Variants in SLC26A4 observed in about 807,000 individuals in gnomAD.
SLC26A4 encodes the protein solute carrier family 26 member 4, also known as pendrin.
SLC26A4 carries 93 observed loss-of-function variants against 90.4 expected under a neutral mutation model. That is an observed-to-expected ratio of 1.03 (90% confidence interval 0.87 to 1.22). The LOEUF is 1.22. Among genes scored for constraint, SLC26A4 ranks in the 50% most tolerant of loss-of-function variants. The pLI is 0.00. For missense variants in SLC26A4, 1,127 were observed against 946.2 expected, an observed-to-expected ratio of 1.19 and a Z score of -2.51; for synonymous variants, 393 against 354.6, an observed-to-expected ratio of 1.11 and a Z score of -1.22.
chr7:107,675,574 CTTTT>C (rs563755979), intron 6 of SLC26A4, among the ~76,000 whole-genome samples: 121 of 131,008 alleles, frequency 9.2e-4, no homozygotes, highest in African/African-American at 3.2e-3. Context: ...TTCTTTCTTT[CTTTT>C]TTTTTTTTTT....
intron 9 of SLC26A4, among the ~76,000 whole-genome samples, chr7:107,689,412 C>T (rs1302310024): frequency 1.3e-5 from 2 of 152,150 alleles, no homozygotes; most frequent in Non-Finnish European, 2.9e-5. Context: ...GTTGAAATAA[C>T]ACTAATTTTA....
intron 3 of SLC26A4, among the ~76,000 whole-genome samples, chr7:107,667,910 G>A (rs371971961): frequency 2.0e-5 from 3 of 152,078 alleles, no homozygotes; most frequent in Admixed American, 2.0e-4. Context: ...CTGTGTTTTC[G>A]ATTAAATGCA....
At chr7:107,664,982 T>A (rs1165876654) in intron 3 of SLC26A4, among the ~76,000 whole-genome samples, 1 of 152,186 alleles carries the variant, frequency 6.6e-6, no homozygotes, top group African/African-American at 2.4e-5. Flanking sequence ...GAACTCATAG[T>A]CCAATGGAGA....
chr7:107,675,285 T>TAAAAAAAAAAAAAAA (rs60022317), intron 6 of SLC26A4, among the ~76,000 whole-genome samples, 176 bp downstream of exon 6: 1 of 96,790 alleles, frequency 1.0e-5, no homozygotes, highest in Non-Finnish European at 2.0e-5. Flanking sequence ...CCTCATCTCT[T>TAAAAAAAAAAAAAAA]AAAAAAAAAA....
At chr7:107,680,359 AATCTT>A (rs1184879621) in intron 6 of SLC26A4, among the ~76,000 whole-genome samples, 4 of 141,214 alleles carry the variant, frequency 2.8e-5, no homozygotes, top group South Asian at 4.3e-4. Flanking sequence ...ATTATTATAT[AATCTT>A]ATCTTATTAT....
At chr7:107,683,608 C>G in intron 8 of SLC26A4, 71 bp downstream of exon 8, 5 of 1,196,454 alleles carry the variant, frequency 4.2e-6, no homozygotes, top group Non-Finnish European at 6.1e-6. Context: ...TAAATAAAAC[C>G]TTTTATTACA....
Position 107,694,673 on chromosome 7 carries a change from T to C in SLC26A4, c.1394T>C (p.Leu465Pro), listed in dbSNP as rs1447306591. The C allele has an allele frequency of 2.5e-6, 4 of 1,613,516 alleles. No individual in the cohort carries two copies. The African/African-American group carries it at 5.3e-5, about 22-fold the overall frequency. Residue 465 changes from leucine (L) to proline (P), a missense_variant, in exon 12 of 21, where the codon CTG becomes CCG. Leu to Pro is a moderately conservative substitution (Grantham distance 98). Coordinates refer to ENST00000644269, the MANE Select transcript of SLC26A4 (RefSeq NM_000441.2). ...IANLKGMFMQ[L>P]CDIPRLWRQN... ...AACCTGAAAGGGATGTTTATGCAGC[T>C]GTGTGACATTCCTCGTCTGTGGAGA...
At position 107,715,606 on chromosome 7, in the gene SLC26A4, C is replaced by T. The variant is rs930181843; in HGVS notation, c.*160C>T. On this transcript the variant is annotated 3_prime_UTR_variant, in exon 21 of 21. Transcript: ENST00000644269. ...CTAGGCTTTATTTATAAAATAAACACCTTATCCCTAACATGGGCAAAATGG... is the reference window on the plus strand; with the variant it reads ...CTAGGCTTTATTTATAAAATAAACATCTTATCCCTAACATGGGCAAAATGG... 6 of 696,028 alleles carry T rather than the reference C, an allele frequency of 8.6e-6. No homozygotes were observed. In the African/African-American group the frequency reaches 8.9e-5, roughly 10 times the overall value. 43.1% of individuals were successfully genotyped at this position (696,028 alleles called of 1,614,324 possible). A position where few individuals can be genotyped will look rare whatever the true frequency, so the allele number is the denominator to read the frequency against.
intron 10 of SLC26A4, 80 bp downstream of exon 10, chr7:107,690,317 A>C: frequency 2.3e-6 from 2 of 886,000 alleles, no homozygotes; most frequent in Non-Finnish European, 3.8e-6. Context: ...CACCGAGCTT[A>C]GCAGGACAAT....
chr7:107,686,267 T>TTCCCTCCCTTCCCTC (rs1562830825), intron 8 of SLC26A4, among the ~76,000 whole-genome samples: 21 of 142,018 alleles, frequency 1.5e-4, no homozygotes, highest in African/African-American at 5.6e-4. Context: ...TTTCTTCCCT[T>TTCCCTCCCTTCCCTC]CCTTCCCTCC....
At chr7:107,671,133 T>C (rs1370771792) in intron 3 of SLC26A4, among the ~76,000 whole-genome samples, 2 of 152,170 alleles carry the variant, frequency 1.3e-5, no homozygotes. Flanking sequence ...GCAAAACTGG[T>C]CTGAGCCTTT....
In SLC26A4 at chr7:107,661,322, CGGGCCA is replaced by C. The variant is rs1221385580; in HGVS notation, c.-3-316_-3-311del. 8.3e-5 allele frequency: 37 copies of C among 446,604 alleles called. No individual in the cohort carries two copies. Among genetic ancestry groups the C allele is most frequent in the African/African-American group, 5.5e-4 (27 of 48,678 alleles). 27.7% of individuals were successfully genotyped at this position (446,604 alleles called of 1,614,324 possible). On this transcript the variant is annotated intron_variant, in intron 1 of 20. Transcript: ENST00000644269. This position sits in a 1 kb window ranked among gnomAD's most constrained non-coding sequence, Gnocchi z 5.1. ...CAGAACGCGGACAGCGCCCTGGCTG[CGGGCCA>C]TAGGGGACTGGGTGGAACTCGGGAA... is the stretch of plus-strand genomic sequence containing the variant.
chr7:107,706,363 G>T (rs1371084527), intron 18 of SLC26A4, among the ~76,000 whole-genome samples: 9 of 152,182 alleles, frequency 5.9e-5, no homozygotes, highest in African/African-American at 1.9e-4. Context: ...TGAGAGGATT[G>T]CTTGAGCCCA....
intron 3 of SLC26A4, among the ~76,000 whole-genome samples, chr7:107,664,602 G>C (rs964807791): frequency 6.6e-6 from 1 of 152,172 alleles, no homozygotes; most frequent in Admixed American, 6.5e-5. Flanking sequence ...TCCTAGCCTG[G>C]ACTCCACATG....
rs1378841567 is a variant in SLC26A4 at position 107,694,588 on chromosome 7, G to A, written c.1342-33G>A. 4.4e-6 allele frequency: 7 copies of A among 1,573,522 alleles called. No homozygotes were observed. The South Asian group carries it at 7.7e-5, about 17-fold the overall frequency. On this transcript the variant is annotated intron_variant, in intron 11 of 20. Coordinates refer to ENST00000644269, the MANE Select transcript of SLC26A4 (RefSeq NM_000441.2). ...ATCATCACATGGAAAACCATTCCCT[G>A]AATAACACAGCCTTCTCTGTCTCTC...
At position 107,690,202 on chromosome 7, in the gene SLC26A4, A is replaced by G. The variant is rs1286976213; in HGVS notation, c.1228A>G (p.Thr410Ala). 2 of 1,612,348 alleles carry G rather than the reference A, an allele frequency of 1.2e-6. No individual in the cohort carries two copies. Among genetic ancestry groups the G allele is most frequent in the South Asian group, 2.2e-5 (2 of 91,044 alleles). Residue 410 changes from threonine (T) to alanine (A), a missense_variant, in exon 10 of 21, where the codon ACG becomes GCG. By Grantham distance (58) the Thr-to-Ala change is moderately conservative. Transcript: ENST00000644269. ...CFVATTALSR[T>A]AVQESTGGKT... ...TGTGGCCACCACTGCTCTTTCCCGCACGGCCGTCCAGGAGAGCACTGGAGG... is the reference window on the plus strand; with the variant it reads ...TGTGGCCACCACTGCTCTTTCCCGCGCGGCCGTCCAGGAGAGCACTGGAGG...
chr7:107,680,790 G>A (rs200332526), intron 6 of SLC26A4, among the ~76,000 whole-genome samples: 14 of 152,210 alleles, frequency 9.2e-5, no homozygotes, highest in East Asian at 1.9e-4. Flanking sequence ...GATTATTTTT[G>A]TAAGGTAAAA....
chr7:107,671,028 T>G (rs551524237), intron 3 of SLC26A4, among the ~76,000 whole-genome samples: 180 of 152,282 alleles, frequency 1.2e-3, no homozygotes, highest in African/African-American at 4.1e-3. Context: ...GGTCTAACTT[T>G]TCTTCCCCAC....
chr7:107,674,296 CA>C lies in SLC26A4; in HGVS notation c.549del (p.Ala184LeufsTer4), dbSNP rs1490462012. On this transcript the variant is annotated frameshift_variant, in exon 5 of 21. Coordinates refer to ENST00000644269, the MANE Select transcript of SLC26A4 (RefSeq NM_000441.2). LOFTEE classifies it high-confidence loss of function. The stretch of plus-strand genomic sequence containing the variant: ...ATGATAGACACTGCAGCTAGAGATA[CA>C]GCTAGAGTCCTGATTGCCAGTGCCC... ...TTMIDTAARD[T>X]ARVLIASALT... 6.2e-7 allele frequency: 1 copy of C among 1,613,726 alleles called. No homozygotes were observed. Among genetic ancestry groups the C allele is most frequent in the African/African-American group, 1.3e-5 (1 of 74,900 alleles).
Sources: allele counts gnomAD v4.1 joint callset (sites outside exome capture counted in the v4.1 genomes callset), GRCh38; gene constraint gnomAD v4.1.1; non-coding constraint Gnocchi (gnomAD v3.1); transcripts MANE v1.5; gene names NCBI Gene and HGNC (gene_info 2026-07-23, HGNC 2026-07-21).